Variants in SYN2 observed in about 807,000 individuals in gnomAD.
SYN2 encodes the protein synapsin II, also known as synapsin-2.
SYN2 carries 19 observed loss-of-function variants against 50.9 expected under a neutral mutation model. That is an observed-to-expected ratio of 0.37 (90% CI 0.26 to 0.55). The LOEUF (loss-of-function observed/expected upper bound fraction) is 0.55. Among genes scored for constraint, SYN2 ranks in the 20% least tolerant of loss-of-function variants. The probability of loss-of-function intolerance (pLI) is 0.81; values close to 1 mark genes in which losing one functional copy is unlikely to be tolerated. For missense variants in SYN2, 587 were observed against 576.4 expected (o/e 1.02, Z -0.19); for synonymous variants, 255 against 224.9 (o/e 1.13, Z -1.20).
intron 1 of SYN2, among the ~76,000 whole-genome samples, chr3:12,066,493 A>G (rs920786567): frequency 2.0e-5 from 3 of 152,176 alleles, no homozygotes; most frequent in African/African-American, 4.8e-5. Flanking sequence ...TGAATTGAAT[A>G]TATTCACCAA....
intron 1 of SYN2, among the ~76,000 whole-genome samples, chr3:12,090,846 A>G (rs558490079): frequency 2.0e-5 from 3 of 152,276 alleles, no homozygotes; most frequent in Non-Finnish European, 2.9e-5. Context: ...AGTGAATCCC[A>G]TGGTTTTGCA....
At chr3:12,170,972 C>A (rs773512235) in intron 10 of SYN2, among the ~76,000 whole-genome samples, 2 of 152,220 alleles carry the variant, frequency 1.3e-5, no homozygotes, top group Non-Finnish European at 2.9e-5. Context: ...AGTTTCCCCA[C>A]TGATATCTAG....
intron 1 of SYN2, among the ~76,000 whole-genome samples, chr3:12,110,636 C>T (rs1270143762): frequency 1.3e-5 from 2 of 152,212 alleles, no homozygotes; most frequent in African/African-American, 4.8e-5. Context: ...TCCCAAACCC[C>T]AATTCTTGAC....
At chr3:12,179,465 G>A (rs1287606103) in intron 10 of SYN2, among the ~76,000 whole-genome samples, 1 of 150,534 alleles carries the variant, frequency 6.6e-6, no homozygotes. Context: ...GCAGCTACAT[G>A]AGCCCCCCTA....
At chr3:12,056,164 G>GTTTTTTTTT (rs1391774881) in intron 1 of SYN2, among the ~76,000 whole-genome samples, 1 of 149,282 alleles carries the variant, frequency 6.7e-6, no homozygotes. Context: ...ACAAAGTTGT[G>GTTTTTTTTT]TTTTGTTTTT....
chr3:12,090,867 G>A (rs1695810609), intron 1 of SYN2, among the ~76,000 whole-genome samples: 1 of 152,162 alleles, frequency 6.6e-6, no homozygotes, highest in Admixed American at 6.5e-5. Flanking sequence ...GGAGAGGACA[G>A]CATAGCACTA....
intron 1 of SYN2, among the ~76,000 whole-genome samples, chr3:12,106,127 A>G (rs1015698178): frequency 3.9e-5 from 6 of 152,076 alleles, no homozygotes; most frequent in African/African-American, 1.4e-4. Flanking sequence ...TAGGACTAAG[A>G]TCCCTGTTTC....
intron 1 of SYN2, among the ~76,000 whole-genome samples, chr3:12,058,184 T>C (rs1559403033): frequency 6.6e-6 from 1 of 152,218 alleles, no homozygotes; most frequent in African/African-American, 2.4e-5. Context: ...TGCATGTTTT[T>C]GAAACAATAG....
intron 1 of SYN2, among the ~76,000 whole-genome samples, chr3:12,110,328 C>T (rs1281912663): frequency 6.6e-6 from 1 of 152,196 alleles, no homozygotes; most frequent in Non-Finnish European, 1.5e-5. Flanking sequence ...TGTGACTTTG[C>T]AGGGGTATAG....
chr3:12,186,290 C>A (rs1176213834), intron 11 of SYN2, among the ~76,000 whole-genome samples: 1 of 152,134 alleles, frequency 6.6e-6, no homozygotes, highest in Non-Finnish European at 1.5e-5. Context: ...TCAGTAGGTG[C>A]TAATGGGGAT....
intron 1 of SYN2, among the ~76,000 whole-genome samples, chr3:12,069,088 T>C (rs1197304119): frequency 1.3e-5 from 2 of 152,262 alleles, no homozygotes; most frequent in Admixed American, 6.5e-5. Context: ...TGTTGTAGCA[T>C]GTGTCAGTAC....
intron 5 of SYN2, chr3:12,156,688 GCT>G (rs927199342): frequency 3.1e-6 from 2 of 649,132 alleles, no homozygotes; most frequent in Admixed American, 5.6e-5. Context: ...CACTAACACA[GCT>G]CTGTTTTATG....
chr3:12,092,508 T>C (rs767748342), intron 1 of SYN2, among the ~76,000 whole-genome samples: 2 of 152,154 alleles, frequency 1.3e-5, no homozygotes, highest in Non-Finnish European at 2.9e-5. Flanking sequence ...CTGAATGGCT[T>C]TGAAGAGAGT....
intron 4 of SYN2, among the ~76,000 whole-genome samples, chr3:12,146,855 C>G (rs559165065): frequency 6.6e-6 from 1 of 152,178 alleles, no homozygotes; most frequent in Admixed American, 6.5e-5. Context: ...GGCTGGCCCT[C>G]TCAGAAGGTA....
At chr3:12,102,614 A>G (rs950321502) in intron 1 of SYN2, among the ~76,000 whole-genome samples, 2 of 152,056 alleles carry the variant, frequency 1.3e-5, no homozygotes, top group African/African-American at 4.8e-5. Flanking sequence ...TCTTTTCCAG[A>G]TTAGGCCCTG....
At chr3:12,015,845 C>T (rs1165553109) in intron 1 of SYN2, among the ~76,000 whole-genome samples, 2 of 152,198 alleles carry the variant, frequency 1.3e-5, no homozygotes, top group African/African-American at 4.8e-5. Flanking sequence ...TTCTTTCTAT[C>T]TAGGACTGTT....
Position 12,134,996 on chromosome 3 carries a change from C to T in SYN2, c.378-5655C>T, listed in dbSNP as rs550968286. On this transcript the variant is annotated intron_variant, in intron 1 of 12. Coordinates refer to ENST00000621198, the MANE Select transcript of SYN2 (RefSeq NM_133625.6). ...TTTTGCTGAATTTAGTGACAAACCA[C>T]GGCGTTTCTTTCTACAAGTTGCAAA... Among the ~76,000 whole-genome samples, 72 of 152,322 alleles carry T rather than the reference C, an allele frequency of 4.7e-4. 1 individual carries two copies. The South Asian group carries it at 6.8e-3, about 14-fold the overall frequency.
intron 1 of SYN2, among the ~76,000 whole-genome samples, chr3:12,085,352 TACACACACAC>T (rs55795895): frequency 0.058 from 8,601 of 149,352 alleles, 655 homozygotes; most frequent in African/African-American, 0.17. Context: ...TGTTATGGAA[TACACACACAC>T]ACACACACAC....
chr3:12,065,977 G>A (rs1462171054), intron 1 of SYN2, among the ~76,000 whole-genome samples: 1 of 152,162 alleles, frequency 6.6e-6, no homozygotes, highest in Non-Finnish European at 1.5e-5. Context: ...GTTACCTAGG[G>A]CTACAAGTGG....
Sources: gnomAD v4.1 joint callset for allele counts (sites outside exome capture counted in the v4.1 genomes callset) on GRCh38, gnomAD v4.1.1 for gene constraint, MANE v1.5 for transcripts, NCBI Gene and HGNC (gene_info 2026-07-23, HGNC 2026-07-21) for gene names.